DOCK9: variants seen among roughly 807,000 people sequenced by gnomAD.
The protein encoded by DOCK9 is dedicator of cytokinesis 9.
In DOCK9, 89 loss-of-function variants were observed where a neutral mutation model predicts 263.3. The ratio of observed to expected loss-of-function variants is 0.34; its 90% CI spans 0.28 to 0.40. The LOEUF (loss-of-function observed/expected upper bound fraction) is 0.40. Ranked by LOEUF, DOCK9 falls within the 10% of genes least tolerant of loss-of-function variation. The pLI, the probability that DOCK9 is intolerant of heterozygous loss-of-function variation, is 1.00. For missense variants in DOCK9, 2,140 were observed against 2,603.4 expected (o/e 0.82, Z 3.87); for synonymous variants, 976 against 973.1 (o/e 1.00, Z -0.06).
Position 98,983,107 on chromosome 13 carries a change from A to G in DOCK9, c.130-27556T>C, listed in dbSNP as rs917729559. Among the ~76,000 whole-genome samples, 6 of 152,250 alleles carry G rather than the reference A, an allele frequency of 3.9e-5. No individual in the cohort carries two copies. In the South Asian group the frequency reaches 6.2e-4, roughly 16 times the overall value. On this transcript the variant is annotated intron_variant, in intron 1 of 32. Transcript: ENST00000427887. Reference sequence around the variant, plus strand: ...TTCTTGGCATATCAGAAGGATACTTATAACAAAGGCAAAAGAAAAATATGC... The same window carrying G: ...TTCTTGGCATATCAGAAGGATACTTGTAACAAAGGCAAAAGAAAAATATGC...
intron 1 of DOCK9, among the ~76,000 whole-genome samples, chr13:99,004,430 A>G (rs1882939888): frequency 6.6e-6 from 1 of 152,246 alleles, no homozygotes; most frequent in South Asian, 2.1e-4. Flanking sequence ...CTGTTTCTTA[A>G]GCCTAGAAAA....
At chr13:98,988,431 C>T (rs184008717) in intron 1 of DOCK9, among the ~76,000 whole-genome samples, 17 of 152,296 alleles carry the variant, frequency 1.1e-4, no homozygotes, top group East Asian at 5.8e-4. Context: ...TCTGGTCCTC[C>T]GTCCACCCTG....
intron 1 of DOCK9, among the ~76,000 whole-genome samples, chr13:99,075,567 T>C (rs779753966): frequency 2.0e-5 from 3 of 152,018 alleles, no homozygotes; most frequent in Non-Finnish European, 2.9e-5. Flanking sequence ...GTTCTCACTT[T>C]GTTGCCCAGG....
chr13:98,996,720 G>T (rs996578392), intron 1 of DOCK9, among the ~76,000 whole-genome samples: 1 of 152,184 alleles, frequency 6.6e-6, no homozygotes, highest in African/African-American at 2.4e-5. Flanking sequence ...TAGTGTTAGT[G>T]TATTTTATGT....
chr13:99,063,829 T>TC (rs1420936341), intron 1 of DOCK9, among the ~76,000 whole-genome samples: 1 of 152,110 alleles, frequency 6.6e-6, no homozygotes, highest in Non-Finnish European at 1.5e-5. Flanking sequence ...AACTTTTTTT[T>TC]TTTTCCATTC....
At chr13:98,848,302 A>G (rs770140123) in intron 37 of DOCK9, among the ~76,000 whole-genome samples, 2 of 152,236 alleles carry the variant, frequency 1.3e-5, no homozygotes, top group Non-Finnish European at 2.9e-5. Flanking sequence ...GGAAGGAGAC[A>G]GAACAGAGAA....
At chr13:99,019,474 G>A (rs1304600480) in intron 1 of DOCK9, among the ~76,000 whole-genome samples, 1 of 152,034 alleles carries the variant, frequency 6.6e-6, no homozygotes, top group Non-Finnish European at 1.5e-5. Context: ...ATCTGGGCAG[G>A]CAGAGAGGAA....
chr13:99,015,568 C>T (rs750091458), intron 1 of DOCK9: 18 of 1,597,876 alleles, frequency 1.1e-5, no homozygotes, highest in African/African-American at 4.0e-5. Flanking sequence ...AAAAACGGTG[C>T]GGATGCCTTT....
At chr13:98,955,752 C>T (rs2140990175) in intron 1 of DOCK9, among the ~76,000 whole-genome samples, 1 of 152,332 alleles carries the variant, frequency 6.6e-6, no homozygotes, top group Non-Finnish European at 1.5e-5. Flanking sequence ...CAGAGTGATG[C>T]TTGTTCAGTT....
chr13:98,885,924 C>T (rs950353734), intron 19 of DOCK9, 93 bp from the exon 20 acceptor site: 65 of 1,211,510 alleles, frequency 5.4e-5, no homozygotes, highest in South Asian at 2.1e-4. Context: ...AACGCATAAA[C>T]GTGCACTTGT....
intron 1 of DOCK9, among the ~76,000 whole-genome samples, chr13:99,084,106 A>C (rs1371890636): frequency 6.6e-6 from 1 of 152,052 alleles, no homozygotes; most frequent in Non-Finnish European, 1.5e-5. Flanking sequence ...CACCTCTTAG[A>C]CCTTCATACA....
chr13:98,929,872 C>T (rs1408173495), intron 3 of DOCK9, among the ~76,000 whole-genome samples: 1 of 152,098 alleles, frequency 6.6e-6, no homozygotes. Context: ...CAAGTTACTG[C>T]TTATTTTAAG....
At chr13:98,918,863 C>T (rs189704796) in intron 7 of DOCK9, among the ~76,000 whole-genome samples, 2 of 152,178 alleles carry the variant, frequency 1.3e-5, no homozygotes, top group Non-Finnish European at 2.9e-5. Context: ...GAAGACAGGC[C>T]GAATGTCTAC....
chr13:98,843,708 G>T (rs541942704), intron 38 of DOCK9, among the ~76,000 whole-genome samples: 3 of 152,260 alleles, frequency 2.0e-5, no homozygotes, highest in East Asian at 1.9e-4. Context: ...GGAGGACAGG[G>T]CTCTTGTGGG....
chr13:98,971,162 G>A (rs1167377056), intron 1 of DOCK9, among the ~76,000 whole-genome samples: 3 of 152,194 alleles, frequency 2.0e-5, no homozygotes, highest in East Asian at 1.9e-4. Flanking sequence ...AAGCCCAGGA[G>A]GGTGGTGATC....
At chr13:98,882,935 T>A (rs985626891) in intron 23 of DOCK9, 107 bp downstream of exon 23, 1 of 866,978 alleles carries the variant, frequency 1.2e-6, no homozygotes, top group Non-Finnish European at 1.8e-6. Context: ...ATGTGAGACA[T>A]CCAGGTAAGA....
In DOCK9 at chr13:99,030,020, T is replaced by C. The variant is rs959086401; in HGVS notation, c.129+56203A>G. Among the ~76,000 whole-genome samples, 9 of 152,314 alleles carry C rather than the reference T, an allele frequency of 5.9e-5. 1 individual carries two copies. Among genetic ancestry groups the C allele is most frequent in the Admixed American group, 5.2e-4 (8 of 15,298 alleles). On this transcript the variant is annotated intron_variant, in intron 1 of 32. Coordinates refer to the DOCK9 transcript ENST00000427887. ...CAGATACATCTCAAAAGGGACCAGA[T>C]GCAAAGGCTACCTACTGAGTGATTC...
rs183942898 is a variant in DOCK9, at chr13:98,924,223, G to A, written c.417-852C>T. 7.2e-5 allele frequency among the ~76,000 whole-genome samples: 11 copies of A among 152,316 alleles called. No individual in the cohort carries two copies. The East Asian group carries it at 1.5e-3, about 21-fold the overall frequency. The stretch of plus-strand genomic sequence containing the variant: ...CCATCTGGAGAAGATAATACTAGGA[G>A]GGAGTGTTCCTGGCTGAGGTTTAAA... On this transcript the variant is annotated intron_variant, in intron 4 of 52. Transcript: ENST00000682017.
chr13:99,054,000 A>T (rs2040814630), intron 1 of DOCK9, among the ~76,000 whole-genome samples: 1 of 152,220 alleles, frequency 6.6e-6, no homozygotes, highest in Non-Finnish European at 1.5e-5. Flanking sequence ...TAAGCAAGAA[A>T]GGGGAGTCAT....
Sources: allele counts gnomAD v4.1 joint callset (sites outside exome capture counted in the v4.1 genomes callset), GRCh38; gene constraint gnomAD v4.1.1; transcripts MANE v1.5; gene names NCBI Gene and HGNC (gene_info 2026-07-23, HGNC 2026-07-21).